Variants in PM20D2 observed in about 807,000 individuals in gnomAD.
PM20D2 encodes peptidase M20 domain containing 2, also known as xaa-Arg dipeptidase.
A neutral mutation model predicts 42.9 loss-of-function variants in PM20D2; 33 were observed. That is an observed-to-expected ratio of 0.77 (90% CI 0.58 to 1.03). The LOEUF (loss-of-function observed/expected upper bound fraction) is 1.03, where lower values mean the gene tolerates loss of function less well. PM20D2 is among the 50% of genes least tolerant of loss of function. The probability of loss-of-function intolerance (pLI) is 0.00; values close to 1 mark genes in which losing one functional copy is unlikely to be tolerated. For synonymous variants in PM20D2, 250 were observed against 228.2 expected (o/e 1.10, Z -0.86); for missense variants, 548 against 557.0 (o/e 0.98, Z 0.16).
In PM20D2 at chr6:89,162,139, G is replaced by A. The variant is rs566385134; in HGVS notation, c.1187G>A (p.Arg396Gln). The A allele has an allele frequency of 1.7e-5, 28 of 1,613,998 alleles. No individual in the cohort carries two copies. The highest frequency in any genetic ancestry group is 8.3e-5 in the Admixed American group (5 of 59,996). The change falls in exon 7 of 7, where the codon CGG becomes CAG. Residue 396 changes from arginine (R) to glutamine (Q), a missense_variant. By Grantham distance (43) the Arg-to-Gln change is conservative. This residue lies in a region of PM20D2 where 71 missense variants were observed against 69.7 expected (regional missense o/e 1.02). Transcript: ENST00000275072. ...CAGGAAGCTCAGTTCTACACTCTGC[G>A]GACGGCCAAAGCTCTGGCAATGACG... ...GSQEAQFYTL[R>Q]TAKALAMTAL...
At chr6:89,150,527 A>ATC (rs1770794270) in intron 2 of PM20D2, among the ~76,000 whole-genome samples, 1 of 104,372 alleles carries the variant, frequency 9.6e-6, no homozygotes, top group Admixed American at 1.2e-4. Context: ...CTCACTGATC[A>ATC]TCTCTTTTTT....
At chr6:89,120,380 C>T in the PM20D2 span, among the ~76,000 whole-genome samples, 4 of 152,138 alleles carry the variant, frequency 2.6e-5, no homozygotes, top group Non-Finnish European at 5.9e-5. Flanking sequence ...AGGATACATA[C>T]CTGGAGATAG....
chr6:89,153,850 C>G (rs921095962), intron 3 of PM20D2, among the ~76,000 whole-genome samples: 1 of 152,174 alleles, frequency 6.6e-6, no homozygotes, highest in Admixed American at 6.5e-5. Context: ...GATCTGCCCA[C>G]CTCAGCCTCC....
At chr6:89,138,756 T>C in the PM20D2 span, among the ~76,000 whole-genome samples, 1 of 152,084 alleles carries the variant, frequency 6.6e-6, no homozygotes, top group African/African-American at 2.4e-5. Context: ...TCCCAACTAC[T>C]TGGGTGGCTG....
At chr6:89,146,802 C>G (rs1177311132) in intron 1 of PM20D2, among the ~76,000 whole-genome samples, 193 bp downstream of exon 1, 1 of 152,240 alleles carries the variant, frequency 6.6e-6, no homozygotes, top group Non-Finnish European at 1.5e-5. Flanking sequence ...AAAGTCAGTT[C>G]GCGTTGCCGA....
chr6:89,149,459 A>G (rs971172802), intron 2 of PM20D2, 46 bp downstream of exon 2: 21 of 1,589,206 alleles, frequency 1.3e-5, no homozygotes, highest in Admixed American at 3.6e-5. Context: ...AACACAGGCT[A>G]TAGAATACTT....
At chr6:89,120,099 AT>A in the PM20D2 span, among the ~76,000 whole-genome samples, 1 of 152,204 alleles carries the variant, frequency 6.6e-6, no homozygotes, top group East Asian at 1.9e-4. Context: ...CGTGAGACTT[AT>A]TCACTACCAG....
intron 5 of PM20D2, among the ~76,000 whole-genome samples, 161 bp downstream of exon 5, chr6:89,158,621 TTAAG>T (rs775934754): frequency 2.6e-5 from 4 of 152,216 alleles, no homozygotes; most frequent in African/African-American, 4.8e-5. Context: ...TAATGGACTC[TTAAG>T]TGAGTGTAGA....
upstream of PM20D2, among the ~76,000 whole-genome samples, chr6:89,141,075 C>A (rs1770272598): frequency 6.6e-6 from 1 of 152,190 alleles, no homozygotes; most frequent in Admixed American, 6.5e-5. Flanking sequence ...AATGCACTTT[C>A]CTTGGTGCTC....
upstream of PM20D2, among the ~76,000 whole-genome samples, chr6:89,143,139 G>A (rs116042846): frequency 7.6e-3 from 1,150 of 151,764 alleles, 17 homozygotes; most frequent in African/African-American, 0.026. Context: ...ATGAGCTCAT[G>A]CTTTGCCATG....
chr6:89,153,649 G>A (rs1375778650), intron 3 of PM20D2, among the ~76,000 whole-genome samples: 1 of 152,194 alleles, frequency 6.6e-6, no homozygotes, highest in Non-Finnish European at 1.5e-5. Context: ...CCAGGCTGGA[G>A]TGCAGTGGTG....
Position 89,149,293 on chromosome 6 carries a change from A to C in PM20D2, c.494A>C (p.Glu165Ala). 1 of 1,614,062 alleles carries C rather than the reference A, an allele frequency of 6.2e-7. No homozygotes were observed. The highest frequency in any genetic ancestry group is 8.5e-7 in the Non-Finnish European group (1 of 1,179,960). The change falls in exon 2 of 7, where the codon GAA becomes GCA. Residue 165 changes from glutamate (E) to alanine (A), a missense_variant. Physicochemically the swap from Glu to Ala is moderately radical, Grantham distance 107. Coordinates refer to ENST00000275072, the MANE Select transcript of PM20D2 (RefSeq NM_001010853.3). Reference sequence around the variant, plus strand: ...GTTGTCCTGGGAACCCCTGCAGAAGAAGATGGTGGTGGCAAAATTGATTTA... The same window carrying C: ...GTTGTCCTGGGAACCCCTGCAGAAGCAGATGGTGGTGGCAAAATTGATTTA... ...KVVVLGTPAE[E>A]DGGGKIDLIE...
the PM20D2 span, among the ~76,000 whole-genome samples, chr6:89,110,996 C>T: frequency 1.3e-5 from 2 of 152,076 alleles, no homozygotes; most frequent in Non-Finnish European, 2.9e-5. Flanking sequence ...TCTATAATCC[C>T]AGCTACTTAG....
chr6:89,158,440 C>A lies in PM20D2; in HGVS notation c.1028C>A (p.Thr343Lys), dbSNP rs1364102080. ...KLGIEFISED[T>K]MLNGPSGSTD... ...GGAATAGAGTTCATTTCAGAAGATA[C>A]AATGTTGAATGGCCCTTCAGGTAAT... Residue 343 changes from threonine (T) to lysine (K), a missense_variant, in exon 5 of 7, where the codon ACA becomes AAA. Thr to Lys is a moderately conservative substitution (Grantham distance 78, BLOSUM62 -1). This residue lies in a region of PM20D2 where 470 missense variants were observed against 464.4 expected (regional missense o/e 1.01). Transcript: ENST00000275072. 1.9e-6 allele frequency: 3 copies of A among 1,608,450 alleles called. No individual in the cohort carries two copies. Among genetic ancestry groups the A allele is most frequent in the South Asian group, 1.1e-5 (1 of 90,062 alleles).
At chr6:89,094,444 C>T in the PM20D2 span, among the ~76,000 whole-genome samples, 1 of 151,910 alleles carries the variant, frequency 6.6e-6, no homozygotes, top group Non-Finnish European at 1.5e-5. Flanking sequence ...GGTCTCGAAC[C>T]CCTGGCCTCA....
At chr6:89,125,066 G>A in the PM20D2 span, among the ~76,000 whole-genome samples, 2,453 of 152,198 alleles carry the variant, frequency 0.016, 41 homozygotes, top group Middle Eastern at 0.048. Context: ...AGGAGATTAA[G>A]ATCAGATTTG....
chr6:89,119,149 T>C, the PM20D2 span, among the ~76,000 whole-genome samples: 1 of 152,216 alleles, frequency 6.6e-6, no homozygotes, highest in Admixed American at 6.5e-5. Context: ...GGCTATTCTT[T>C]CATTCAGAAG....
chr6:89,138,093 G>GTTTTTTTTT, the PM20D2 span, among the ~76,000 whole-genome samples: 1 of 140,014 alleles, frequency 7.1e-6, no homozygotes. Context: ...TTTTGCATTT[G>GTTTTTTTTT]TTGTAGAGAC....
chr6:89,139,116 G>A, the PM20D2 span, among the ~76,000 whole-genome samples: 5 of 152,196 alleles, frequency 3.3e-5, no homozygotes, highest in Admixed American at 3.3e-4. Context: ...TAGAGACCTA[G>A]TCTCACTGTG....
Sources: gnomAD v4.1 joint callset for allele counts (sites outside exome capture counted in the v4.1 genomes callset) on GRCh38, gnomAD v4.1.1 for gene constraint, gnomAD v4.1.1 regional missense constraint, MANE v1.5 for transcripts, NCBI Gene and HGNC (gene_info 2026-07-23, HGNC 2026-07-21) for gene names.